SLC17A1: variants seen among roughly 807,000 people sequenced by gnomAD.
SLC17A1 encodes the protein sodium-dependent phosphate transport protein 1.
In SLC17A1, 51 loss-of-function variants were observed where a neutral mutation model predicts 53.5. That is an observed-to-expected ratio of 0.95 (90% CI 0.76 to 1.20). The LOEUF is 1.20. SLC17A1 is among the 50% of genes most tolerant of loss of function. SLC17A1 has a pLI of 0.00. For missense variants in SLC17A1, 538 were observed against 568.2 expected (o/e 0.95, Z 0.54); for synonymous variants, 179 against 198.8 (o/e 0.90, Z 0.84).
At chr6:25,730,973 G>C in the SLC17A1 span, among the ~76,000 whole-genome samples, 1 of 152,162 alleles carries the variant, frequency 6.6e-6, no homozygotes, top group African/African-American at 2.4e-5. Context: ...GAGACTATTA[G>C]GGAAAAAATA....
At chr6:25,772,400 T>C in the SLC17A1 span, among the ~76,000 whole-genome samples, 1 of 152,184 alleles carries the variant, frequency 6.6e-6, no homozygotes, top group African/African-American at 2.4e-5. Context: ...TCTCAAAATT[T>C]AGCAAAAAGC....
chr6:25,812,510 C>T (rs1764192275), intron 8 of SLC17A1, among the ~76,000 whole-genome samples: 1 of 152,104 alleles, frequency 6.6e-6, no homozygotes, highest in Non-Finnish European at 1.5e-5. Context: ...CATAGGAGGC[C>T]CCCAGTCCCT....
the SLC17A1 span, chr6:25,726,800 G>A: frequency 2.1e-5 from 29 of 1,353,610 alleles, no homozygotes; most frequent in Non-Finnish European, 2.7e-5. Context: ...GCGAGACTTG[G>A]AGCTGAGGTC....
At chr6:25,830,788 G>A (rs72542430) in intron 1 of SLC17A1, among the ~76,000 whole-genome samples, 181 bp from the exon 2 acceptor site, 64 of 152,196 alleles carry the variant, frequency 4.2e-4, no homozygotes, top group African/African-American at 1.4e-3. Flanking sequence ...GATTGTTTTG[G>A]TTGATTAAAA....
chr6:25,744,965 G>A, the SLC17A1 span, among the ~76,000 whole-genome samples: 6 of 151,928 alleles, frequency 3.9e-5, no homozygotes, highest in Non-Finnish European at 8.8e-5. Flanking sequence ...ATTGACATCT[G>A]AGCAAAGTTT....
At chr6:25,808,980 T>C (rs181903523) in intron 10 of SLC17A1, among the ~76,000 whole-genome samples, 61 of 152,102 alleles carry the variant, frequency 4.0e-4, no homozygotes, top group African/African-American at 1.3e-3. Context: ...CTATTCACAG[T>C]AGCAAAGACA....
intron 12 of SLC17A1, among the ~76,000 whole-genome samples, chr6:25,786,058 G>C (rs527513296): frequency 6.6e-6 from 1 of 152,208 alleles, no homozygotes; most frequent in South Asian, 2.1e-4. Flanking sequence ...GCAGCCAAAA[G>C]GTGTAAACAA....
intron 7 of SLC17A1, 44 bp from the exon 8 acceptor site, chr6:25,813,036 G>A: frequency 6.2e-7 from 1 of 1,610,762 alleles, no homozygotes; most frequent in Non-Finnish European, 8.5e-7. Flanking sequence ...GAACAAACTG[G>A]AACATGTTTA....
At chr6:25,791,618 AG>A (rs1763502095) in intron 12 of SLC17A1, among the ~76,000 whole-genome samples, 1 of 152,248 alleles carries the variant, frequency 6.6e-6, no homozygotes, top group South Asian at 2.1e-4. Context: ...GATGAACAAA[AG>A]ACTATGAATT....
the SLC17A1 span, among the ~76,000 whole-genome samples, chr6:25,760,178 C>T: frequency 0.024 from 3,683 of 152,218 alleles, 64 homozygotes; most frequent in Middle Eastern, 0.095. Context: ...TTTTAATATC[C>T]ATGTCCTTGA....
At chr6:25,815,704 C>T (rs1486741450) in intron 6 of SLC17A1, among the ~76,000 whole-genome samples, 2 of 152,104 alleles carry the variant, frequency 1.3e-5, no homozygotes, top group Admixed American at 6.5e-5. Context: ...ATCTCTAGGG[C>T]GTGGCCTCGG....
the SLC17A1 span, chr6:25,769,289 G>A: frequency 3.6e-6 from 4 of 1,117,790 alleles, no homozygotes; most frequent in Non-Finnish European, 5.1e-6. Context: ...AGTATTTACT[G>A]AACATGTACT....
At chr6:25,823,951 C>T (rs978615388) in intron 3 of SLC17A1, among the ~76,000 whole-genome samples, 1 of 151,696 alleles carries the variant, frequency 6.6e-6, no homozygotes, top group African/African-American at 2.4e-5. Flanking sequence ...AGTGTTACAC[C>T]TCCAACTACT....
In SLC17A1 at chr6:25,783,044, A is replaced by T. The variant is rs1031215355; in HGVS notation, c.*177T>A. ...ATATATTACATGTTACAAACAACACATGTTAAAAAACGATGCACACAGGAT... is the reference window on the plus strand; with the variant it reads ...ATATATTACATGTTACAAACAACACTTGTTAAAAAACGATGCACACAGGAT... On this transcript the variant is annotated 3_prime_UTR_variant, in exon 13 of 13. Transcript: ENST00000244527. 6.6e-6 allele frequency: 1 copy of T among 152,190 alleles called. No homozygotes were observed. The highest frequency in any genetic ancestry group is 2.4e-5 in the African/African-American group (1 of 41,462). 9.4% of individuals were successfully genotyped at this position (152,190 alleles called of 1,614,324 possible). A position where few individuals can be genotyped will look rare whatever the true frequency, so the allele number is the denominator to read the frequency against.
At chr6:25,738,829 G>A in the SLC17A1 span, among the ~76,000 whole-genome samples, 1 of 152,250 alleles carries the variant, frequency 6.6e-6, no homozygotes, top group South Asian at 2.1e-4. Flanking sequence ...TTAAGACTAG[G>A]ATGAGGTATC....
intron 12 of SLC17A1, among the ~76,000 whole-genome samples, chr6:25,788,812 A>G (rs1242255705): frequency 6.6e-6 from 1 of 152,194 alleles, no homozygotes; most frequent in Non-Finnish European, 1.5e-5. Context: ...GGTGGCACAC[A>G]AGGGGATTGA....
At chr6:25,740,886 C>T in the SLC17A1 span, among the ~76,000 whole-genome samples, 2 of 152,150 alleles carry the variant, frequency 1.3e-5, no homozygotes, top group East Asian at 3.9e-4. Flanking sequence ...CGTGGGCGAA[C>T]CTGGAGGATG....
the SLC17A1 span, among the ~76,000 whole-genome samples, chr6:25,747,689 T>G: frequency 6.6e-6 from 1 of 152,238 alleles, no homozygotes; most frequent in Non-Finnish European, 1.5e-5. Flanking sequence ...AGAAAAGACA[T>G]GAGAGCATGC....
the SLC17A1 span, chr6:25,732,088 C>A: frequency 9.8e-7 from 1 of 1,022,120 alleles, no homozygotes; most frequent in Non-Finnish European, 1.4e-6. Flanking sequence ...TTTTTGTCCT[C>A]CTTCGAGTTT....
Sources: gnomAD v4.1 joint callset for allele counts (sites outside exome capture counted in the v4.1 genomes callset) on GRCh38, gnomAD v4.1.1 for gene constraint, MANE v1.5 for transcripts, NCBI Gene and HGNC (gene_info 2026-07-23, HGNC 2026-07-21) for gene names.